Variants in PCDHA2 observed in about 807,000 individuals in gnomAD.
The protein encoded by PCDHA2 is protocadherin alpha 2.
A neutral mutation model predicts 66.0 loss-of-function variants in PCDHA2; 58 were observed. The ratio of observed to expected loss-of-function variants is 0.88; its 90% CI spans 0.71 to 1.09. The LOEUF (loss-of-function observed/expected upper bound fraction) is 1.09. PCDHA2 is among the 50% of genes least tolerant of loss of function. PCDHA2 has a pLI of 0.00. For missense variants in PCDHA2, 1,267 were observed against 1,242.3 expected, an observed-to-expected ratio of 1.02 and a Z score of -0.30; for synonymous variants, 634 against 554.0, an observed-to-expected ratio of 1.14 and a Z score of -2.03.
At chr5:140,870,999 A>G (rs782562142) in intron 1 of PCDHA2, 2 of 1,613,456 alleles carry the variant, frequency 1.2e-6, no homozygotes, top group Admixed American at 3.3e-5. Flanking sequence ...AGATAAGCAC[A>G]ACGCGTGCCC....
At chr5:140,830,508 C>T in intron 1 of PCDHA2, 1 of 1,415,164 alleles carries the variant, frequency 7.1e-7, no homozygotes, top group Non-Finnish European at 9.4e-7. Flanking sequence ...TCATAATTAA[C>T]AGTTAATTTT....
chr5:140,806,502 G>A lies in PCDHA2; in HGVS notation c.2388+9150G>A, dbSNP rs116553144. 5.5e-3 allele frequency among the ~76,000 whole-genome samples: 845 copies of A among 152,278 alleles called. 7 individuals carry two copies. The highest frequency in any genetic ancestry group is 0.02 in the African/African-American group (812 of 41,560). On this transcript the variant is annotated intron_variant, in intron 1 of 3. Transcript: ENST00000526136. ...TTCAGCCCTGACATGACTCAAGGAA[G>A]ACATCTAATTAAATGCTGATGGTCT...
chr5:140,835,646 T>C lies in PCDHA2; in HGVS notation c.2388+38294T>C, dbSNP rs148944886. The C allele has an allele frequency of 8.1e-4, 1,314 of 1,613,744 alleles. 16 individuals are homozygous for C. In the African/African-American group the frequency reaches 0.014, roughly 17 times the overall value. On this transcript the variant is annotated intron_variant, in intron 1 of 3. Transcript: ENST00000526136. ...TGGACCGCGAGAGTGTGTCCGCCTA[T>C]GAGCTGGTGGTTACCGCGCGGGACG...
chr5:140,969,061 T>C (rs782313439), intron 1 of PCDHA2: 25 of 1,614,070 alleles, frequency 1.5e-5, no homozygotes, highest in Non-Finnish European at 4.2e-6. Flanking sequence ...ACAATATTGA[T>C]GCCAGGATAC....
chr5:140,798,135 G>A (rs906218997), intron 1 of PCDHA2, among the ~76,000 whole-genome samples: 27 of 152,136 alleles, frequency 1.8e-4, no homozygotes, highest in African/African-American at 5.6e-4. Context: ...GCCTCCCAAA[G>A]TGCTGGGATT....
chr5:140,980,856 G>GT (rs2096908809), intron 2 of PCDHA2, among the ~76,000 whole-genome samples: 1 of 151,886 alleles, frequency 6.6e-6, no homozygotes, highest in Admixed American at 6.6e-5. Context: ...AATCTTTTTC[G>GT]TATGTGTGCT....
At chr5:140,862,356 A>G in intron 1 of PCDHA2, 1 of 338,010 alleles carries the variant, frequency 3.0e-6, no homozygotes, top group Non-Finnish European at 5.8e-6. Context: ...GCCAAGGGAC[A>G]GACGACCCGC....
chr5:140,912,530 A>C (rs2075961098), intron 1 of PCDHA2, among the ~76,000 whole-genome samples: 2 of 152,178 alleles, frequency 1.3e-5, no homozygotes, highest in East Asian at 1.9e-4. Context: ...TTCAGAGTAC[A>C]TGATCATATT....
intron 3 of PCDHA2, among the ~76,000 whole-genome samples, chr5:140,986,736 A>G (rs1056820843): frequency 1.3e-5 from 2 of 152,206 alleles, no homozygotes; most frequent in Non-Finnish European, 2.9e-5. Flanking sequence ...TCAAGACCCC[A>G]GGGGATCTGG....
At chr5:140,882,832 A>T (rs781961557) in intron 1 of PCDHA2, 1 of 1,614,216 alleles carries the variant, frequency 6.2e-7, no homozygotes, top group Non-Finnish European at 8.5e-7. Flanking sequence ...GTCTTGAGCA[A>T]ATGTCTTCAT....
At chr5:140,829,839 G>C (rs2150175882) in intron 1 of PCDHA2, 1 of 1,613,930 alleles carries the variant, frequency 6.2e-7, no homozygotes, top group Non-Finnish European at 8.5e-7. Context: ...CTGGTGCCGC[G>C]GTCACTGGGT....
At chr5:140,882,048 C>T in intron 1 of PCDHA2, 1 of 745,800 alleles carries the variant, frequency 1.3e-6, no homozygotes, top group Non-Finnish European at 2.1e-6. Context: ...CTGAGTCATA[C>T]TTACACTTAC....
chr5:140,823,820 C>G, intron 1 of PCDHA2: 1 of 1,613,790 alleles, frequency 6.2e-7, no homozygotes, highest in Non-Finnish European at 8.5e-7. Context: ...TCGCGGGCGT[C>G]GGCGGGCGCT....
At chr5:140,881,388 G>A (rs2058697659) in intron 1 of PCDHA2, 1 of 983,292 alleles carries the variant, frequency 1.0e-6, no homozygotes, top group Non-Finnish European at 1.2e-6. Context: ...GCGGCGGTAA[G>A]TTAAATTCTA....
chr5:140,865,903 ATCTT>A (rs1453140496), intron 1 of PCDHA2: 10 of 152,252 alleles, frequency 6.6e-5, no homozygotes, highest in African/African-American at 1.9e-4. Flanking sequence ...GTACAGGCAA[ATCTT>A]TCTTTCTGTT....
At chr5:140,843,775 A>T (rs2150366589) in intron 1 of PCDHA2, 2 of 1,450,698 alleles carry the variant, frequency 1.4e-6, no homozygotes, top group East Asian at 4.6e-5. Context: ...AGTTACTTTA[A>T]AAGTGTTTCA....
chr5:140,836,581 G>A (rs1774589898), intron 1 of PCDHA2: 2 of 1,613,662 alleles, frequency 1.2e-6, no homozygotes, highest in African/African-American at 2.7e-5. Flanking sequence ...GGCGCATGTA[G>A]TTTGGTAAAG....
At chr5:140,805,210 C>A in intron 1 of PCDHA2, 1 of 1,426,898 alleles carries the variant, frequency 7.0e-7, no homozygotes, top group Non-Finnish European at 9.2e-7. Context: ...ACCAAATAAA[C>A]ATTGTTTTCT....
chr5:140,826,151 AT>A (rs1354366047), intron 1 of PCDHA2, among the ~76,000 whole-genome samples: 3 of 152,210 alleles, frequency 2.0e-5, no homozygotes, highest in African/African-American at 7.2e-5. Flanking sequence ...AGTCCTAGAA[AT>A]TGAGAAATAG....
Sources: gnomAD v4.1 joint callset for allele counts (sites outside exome capture counted in the v4.1 genomes callset) on GRCh38, gnomAD v4.1.1 for gene constraint, MANE v1.5 for transcripts, NCBI Gene and HGNC (gene_info 2026-07-23, HGNC 2026-07-21) for gene names.